Variants in ARID4A observed in about 807,000 individuals in gnomAD.
ARID4A encodes the protein AT-rich interactive domain-containing protein 4A.
In ARID4A, 39 loss-of-function variants were observed where a neutral mutation model predicts 148.6. That is an observed-to-expected ratio of 0.26 (90% CI 0.20 to 0.34). The LOEUF is 0.34. ARID4A is among the 10% of genes least tolerant of loss of function. ARID4A has a pLI of 1.00. For synonymous variants in ARID4A, 475 were observed against 481.2 expected (o/e 0.99, Z 0.17); for missense variants, 1,265 against 1,449.1 (o/e 0.87, Z 2.06).
rs936432419 is a variant in ARID4A at position 58,323,476 on chromosome 14, A to G, written c.450-9A>G. 5.6e-6 allele frequency: 9 copies of G among 1,604,018 alleles called. No homozygotes were observed. Among genetic ancestry groups the G allele is most frequent in the Middle Eastern group, 1.7e-4 (1 of 6,050 alleles). ...GTTAGGATAATGATCAAGTTATTCT[A>G]ACTTTTAGTACTGAAGATGAAAAGG... On this transcript the variant is annotated splice_polypyrimidine_tract_variant and intron_variant, in intron 7 of 23. Coordinates refer to ENST00000355431, the MANE Select transcript of ARID4A (RefSeq NM_002892.4).
At chr14:58,350,860 G>A (rs1262850492) in intron 15 of ARID4A, among the ~76,000 whole-genome samples, 1 of 152,080 alleles carries the variant, frequency 6.6e-6, no homozygotes. Context: ...TTCTTAGGTA[G>A]TATATAGCCA....
In ARID4A at chr14:58,351,161, C is replaced by A; in HGVS notation, c.1493C>A (p.Thr498Lys). The part of the protein sequence containing the change: ...KTEDKLKDND[T>K]ENKDVDDDYE... ...GAAGACAAATTAAAAGATAATGATA[C>A]AGAAAATAAGGATGTAGATGATGAC... The change falls in exon 16 of 24, where the codon ACA becomes AAA. Residue 498 changes from threonine to lysine, a missense_variant. Physicochemically the swap from Thr to Lys is moderately conservative, Grantham distance 78. Coordinates refer to ENST00000355431, the MANE Select transcript of ARID4A (RefSeq NM_002892.4). 1 of 1,609,666 alleles carries A rather than the reference C, an allele frequency of 6.2e-7. No individual in the cohort carries two copies. The highest frequency in any genetic ancestry group is 8.5e-7 in the Non-Finnish European group (1 of 1,178,820).
chr14:58,318,517 C>T (rs375112645), intron 5 of ARID4A, 25 bp from the exon 6 acceptor site: 2 of 1,607,778 alleles, frequency 1.2e-6, no homozygotes, highest in South Asian at 1.1e-5. Flanking sequence ...TGCATAAATT[C>T]TCTGTTATCT....
chr14:58,308,338 G>T (rs2031765408), intron 5 of ARID4A, among the ~76,000 whole-genome samples: 1 of 152,212 alleles, frequency 6.6e-6, no homozygotes, highest in Non-Finnish European at 1.5e-5. Context: ...AGGACCCCAA[G>T]CCTCTCCAAT....
chr14:58,358,790 C>T (rs1367773163), intron 17 of ARID4A, among the ~76,000 whole-genome samples: 1 of 152,306 alleles, frequency 6.6e-6, no homozygotes, highest in Non-Finnish European at 1.5e-5. Context: ...AGCACGAATT[C>T]TATTGCAGAT....
intron 3 of ARID4A, chr14:58,303,739 C>A (rs968427457): frequency 1.9e-5 from 5 of 263,178 alleles, no homozygotes; most frequent in African/African-American, 6.6e-5. Context: ...CACCCCAGAT[C>A]TACTTCATCA....
chr14:58,366,416 G>T (rs376564768), intron 22 of ARID4A, among the ~76,000 whole-genome samples, 186 bp downstream of exon 22: 2 of 152,278 alleles, frequency 1.3e-5, no homozygotes, highest in East Asian at 3.9e-4. Context: ...TCATAAAACT[G>T]ACTTGATAAA....
chr14:58,342,514 T>A (rs2034163326), intron 11 of ARID4A, among the ~76,000 whole-genome samples: 1 of 152,242 alleles, frequency 6.6e-6, no homozygotes, highest in Admixed American at 6.5e-5. Context: ...GAGTTGATTT[T>A]GTTTACTTGT....
At chr14:58,307,580 G>C (rs1247349000) in intron 5 of ARID4A, among the ~76,000 whole-genome samples, 1 of 152,172 alleles carries the variant, frequency 6.6e-6, no homozygotes, top group Non-Finnish European at 1.5e-5. Context: ...AGCACTTTAG[G>C]GGGGCGAGGT....
chr14:58,311,217 G>A (rs1045488902), intron 5 of ARID4A, among the ~76,000 whole-genome samples: 1 of 152,170 alleles, frequency 6.6e-6, no homozygotes, highest in African/African-American at 2.4e-5. Flanking sequence ...CTGCACTCCA[G>A]CCTGGGCGAC....
chr14:58,330,150 A>C lies in ARID4A; in HGVS notation c.887A>C (p.Lys296Thr). 1 of 1,612,356 alleles carries C rather than the reference A, an allele frequency of 6.2e-7. No homozygotes were observed. Among genetic ancestry groups the C allele is most frequent in the Non-Finnish European group, 8.5e-7 (1 of 1,179,594 alleles). Residue 296 changes from lysine (K) to threonine (T), a missense_variant, in exon 11 of 24, where the codon AAA becomes ACA. Lys to Thr is a moderately conservative substitution (Grantham distance 78, BLOSUM62 -1). Around this residue, in one of 9 missense-constraint regions of ARID4A, gnomAD observed 249 missense variants for 277.2 expected, o/e 0.90. Transcript: ENST00000355431. ...GATGAAGAGAAGGAAAAGGAGGCCA[A>C]AAAGACAGAAGAAGAGGTGGTAGGT... is the stretch of plus-strand genomic sequence containing the variant. ...ENDEEKEKEAKKTEEEVPEEE... is the reference protein window; with the variant it reads ...ENDEEKEKEATKTEEEVPEEE...
Position 58,373,461 on chromosome 14 carries a change from T to C in ARID4A, c.*1472T>C. 1 of 180,436 alleles carries C rather than the reference T, an allele frequency of 5.5e-6. No homozygotes were observed. The highest frequency in any genetic ancestry group is 1.2e-5 in the Non-Finnish European group (1 of 84,376). The allele number at this position is 180,436 out of a possible 1,614,324, so 11.2% of individuals were successfully genotyped here. ...TGCTGTAGAATAATAACCTAGATGC[T>C]CTAGACTGTATATCAGGATCTGATT... On this transcript the variant is annotated 3_prime_UTR_variant, in exon 24 of 24. Transcript: ENST00000355431.
chr14:58,365,673 T>C, intron 21 of ARID4A, 51 bp downstream of exon 21: 4 of 1,494,124 alleles, frequency 2.7e-6, no homozygotes, highest in Non-Finnish European at 3.7e-6. Flanking sequence ...TTTTTAGCAG[T>C]TTGTTGGCTT....
chr14:58,305,574 C>G (rs2031538305), intron 4 of ARID4A, among the ~76,000 whole-genome samples: 1 of 152,134 alleles, frequency 6.6e-6, no homozygotes, highest in Non-Finnish European at 1.5e-5. Flanking sequence ...GAACCTTTAT[C>G]TAAAAGGTAC....
intron 11 of ARID4A, among the ~76,000 whole-genome samples, chr14:58,333,793 G>A (rs2033656344): frequency 6.6e-6 from 1 of 151,922 alleles, no homozygotes; most frequent in African/African-American, 2.4e-5. Context: ...ATTACTTTAG[G>A]TATAAACTTA....
intron 5 of ARID4A, among the ~76,000 whole-genome samples, chr14:58,312,935 T>G (rs1412550814): frequency 1.3e-5 from 2 of 152,242 alleles, no homozygotes; most frequent in Non-Finnish European, 2.9e-5. Context: ...TTTTACTATC[T>G]TTCAGTATCA....
chr14:58,361,559 A>G (rs2035132897), intron 19 of ARID4A, among the ~76,000 whole-genome samples: 1 of 152,244 alleles, frequency 6.6e-6, no homozygotes, highest in Non-Finnish European at 1.5e-5. Context: ...ACAGTAAAAC[A>G]TATGACTTAC....
At chr14:58,342,737 AC>A (rs1190190366) in intron 11 of ARID4A, among the ~76,000 whole-genome samples, 3 of 152,130 alleles carry the variant, frequency 2.0e-5, no homozygotes. Flanking sequence ...ATGTGGCGAA[AC>A]CCAGTCTCTA....
chr14:58,336,660 A>G (rs1438049674), intron 11 of ARID4A, among the ~76,000 whole-genome samples: 2 of 152,190 alleles, frequency 1.3e-5, no homozygotes, highest in Non-Finnish European at 2.9e-5. Flanking sequence ...CAAACAAGTA[A>G]AGATAACCAC....
Sources: allele counts gnomAD v4.1 joint callset (sites outside exome capture counted in the v4.1 genomes callset), GRCh38; gene constraint gnomAD v4.1.1; regional missense constraint gnomAD v4.1.1; transcripts MANE v1.5; gene names NCBI Gene and HGNC (gene_info 2026-07-23, HGNC 2026-07-21).